PTPRO: variants seen among roughly 807,000 people sequenced by gnomAD.
PTPRO encodes receptor-type tyrosine-protein phosphatase O.
PTPRO carries 62 observed loss-of-function variants against 145.2 expected under a neutral mutation model. The observed-to-expected ratio is 0.43, with a 90% CI of 0.35 to 0.53. The LOEUF is 0.53. PTPRO is among the 20% of genes least tolerant of loss of function. The pLI is 0.01. For missense variants in PTPRO, 1,345 were observed against 1,482.7 expected (o/e 0.91, Z 1.53); for synonymous variants, 565 against 514.7 (o/e 1.10, Z -1.32).
chr12:15,416,609 G>A (rs767384149), intron 1 of PTPRO, among the ~76,000 whole-genome samples: 2 of 151,444 alleles, frequency 1.3e-5, no homozygotes, highest in African/African-American at 4.9e-5. Flanking sequence ...ATGAGCCACC[G>A]CGCCCAGCCG....
chr12:15,516,817 T>C lies in PTPRO; in HGVS notation c.1640T>C (p.Val547Ala). 3 of 1,612,620 alleles carry C rather than the reference T, an allele frequency of 1.9e-6. No homozygotes were observed. The highest frequency in any genetic ancestry group is 2.2e-5 in the South Asian group (2 of 91,062). ...MLYPLGPTAV[V>A]LSWTRPYLGV... ...TATCCTTTGGGTCCTACGGCCGTGG[T>C]TCTGAGCTGGACCAGACCTTATTTA... The change falls in exon 9 of 27, where the codon GTT (valine) becomes GCT (alanine). Residue 547 changes from valine (V) to alanine (A), a missense_variant. Val to Ala is a moderately conservative substitution (Grantham distance 64). Around this residue, in one of 3 missense-constraint regions of PTPRO, gnomAD observed 1,130 missense variants for 1,214.7 expected, o/e 0.93. Coordinates refer to ENST00000281171, the MANE Select transcript of PTPRO (RefSeq NM_030667.3).
chr12:15,407,918 T>A (rs1380452112), intron 1 of PTPRO, among the ~76,000 whole-genome samples: 1 of 152,202 alleles, frequency 6.6e-6, no homozygotes, highest in Non-Finnish European at 1.5e-5. Context: ...AATTAAATGA[T>A]GAGAGAGAAG....
chr12:15,375,154 A>G (rs1156771394), intron 1 of PTPRO, among the ~76,000 whole-genome samples: 6 of 152,176 alleles, frequency 3.9e-5, no homozygotes, highest in South Asian at 4.1e-4. Flanking sequence ...GCCCTAGAAA[A>G]TCTCTAAACA....
At chr12:15,376,582 C>T (rs913048987) in intron 1 of PTPRO, among the ~76,000 whole-genome samples, 3 of 152,044 alleles carry the variant, frequency 2.0e-5, no homozygotes, top group African/African-American at 7.2e-5. Context: ...ATAAAAATAC[C>T]ACAAACTGGG....
At chr12:15,392,748 A>G (rs1404499587) in intron 1 of PTPRO, among the ~76,000 whole-genome samples, 2 of 149,560 alleles carry the variant, frequency 1.3e-5, no homozygotes, top group African/African-American at 2.5e-5. Context: ...AAAAAGAAGA[A>G]AAAAGAAGGG....
chr12:15,342,182 G>A (rs1054577474), intron 1 of PTPRO, among the ~76,000 whole-genome samples: 1 of 152,102 alleles, frequency 6.6e-6, no homozygotes, highest in Non-Finnish European at 1.5e-5. Flanking sequence ...TCTGTCACCT[G>A]AAGTCACAGC....
chr12:15,366,958 G>A (rs903426122), intron 1 of PTPRO, among the ~76,000 whole-genome samples: 1 of 151,910 alleles, frequency 6.6e-6, no homozygotes, highest in African/African-American at 2.4e-5. Flanking sequence ...AAAAATGAAA[G>A]GTCACTCATT....
At chr12:15,510,764 AT>A (rs747500605) in intron 7 of PTPRO, among the ~76,000 whole-genome samples, 1 of 152,184 alleles carries the variant, frequency 6.6e-6, no homozygotes, top group Non-Finnish European at 1.5e-5. Context: ...ATGCCACTAA[AT>A]AAATGTGTAG....
At chr12:15,341,896 C>A (rs1867004138) in intron 1 of PTPRO, among the ~76,000 whole-genome samples, 1 of 152,222 alleles carries the variant, frequency 6.6e-6, no homozygotes, top group African/African-American at 2.4e-5. Flanking sequence ...AAATGACAAT[C>A]ATAATCACCT....
intron 19 of PTPRO, among the ~76,000 whole-genome samples, chr12:15,574,602 C>CA (rs1944137827): frequency 6.6e-6 from 1 of 152,190 alleles, no homozygotes; most frequent in African/African-American, 2.4e-5. Flanking sequence ...CTGTCAACAC[C>CA]ACTGGCACTT....
At chr12:15,581,358 T>C (rs1944313139) in intron 22 of PTPRO, among the ~76,000 whole-genome samples, 1 of 144,432 alleles carries the variant, frequency 6.9e-6, no homozygotes, top group Admixed American at 7.5e-5. Context: ...TGGGGTGCAG[T>C]GGCACGATCT....
At chr12:15,469,768 C>CAAAAAAAA (rs3085503) in intron 1 of PTPRO, among the ~76,000 whole-genome samples, 13 of 110,314 alleles carry the variant, frequency 1.2e-4, no homozygotes, top group Admixed American at 1.9e-4. Flanking sequence ...AGTGTCCTGA[C>CAAAAAAAA]AAAAAAAAAA....
rs1367145619 is a variant in PTPRO, at chr12:15,492,460, C to A, written c.350-4785C>A. On this transcript the variant is annotated intron_variant, in intron 2 of 26. Transcript: ENST00000281171. ...TGCAGTGCTGTGCCTACAGTTCCACCTAATCAGGAGGCTGAGGCAGGAGGA... is the reference window on the plus strand; with the variant it reads ...TGCAGTGCTGTGCCTACAGTTCCACATAATCAGGAGGCTGAGGCAGGAGGA... 1.3e-5 allele frequency among the ~76,000 whole-genome samples: 2 copies of A among 151,998 alleles called. 1 individual carries two copies. The highest frequency in any genetic ancestry group is 4.1e-4 in the South Asian group (2 of 4,822).
At chr12:15,510,131 T>A (rs79305959) in intron 7 of PTPRO, among the ~76,000 whole-genome samples, 7,003 of 152,262 alleles carry the variant, frequency 0.046, 585 homozygotes, top group African/African-American at 0.16. Flanking sequence ...ATTTGGGATG[T>A]TTCCATTCCT....
chr12:15,498,715 T>C (rs1054643854), intron 3 of PTPRO, among the ~76,000 whole-genome samples: 2 of 152,234 alleles, frequency 1.3e-5, no homozygotes, highest in African/African-American at 4.8e-5. Flanking sequence ...GTTATTTGTT[T>C]ATAGATCACA....
At chr12:15,567,013 T>G (rs1943916536) in intron 18 of PTPRO, among the ~76,000 whole-genome samples, 1 of 152,094 alleles carries the variant, frequency 6.6e-6, no homozygotes, top group Non-Finnish European at 1.5e-5. Flanking sequence ...ACTAGAGCAT[T>G]TAGAAGATAG....
chr12:15,560,977 T>C (rs1943758874), intron 17 of PTPRO, among the ~76,000 whole-genome samples: 1 of 152,136 alleles, frequency 6.6e-6, no homozygotes, highest in Non-Finnish European at 1.5e-5. Context: ...ATTTTAATAA[T>C]CAAATCTTGA....
At chr12:15,425,731 A>ATT (rs1940267359) in intron 1 of PTPRO, among the ~76,000 whole-genome samples, 2 of 90,600 alleles carry the variant, frequency 2.2e-5, no homozygotes, top group South Asian at 4.0e-4. Context: ...TGCAAAATAG[A>ATT]TTCATGCATT....
intron 10 of PTPRO, 100 bp downstream of exon 10, chr12:15,520,412 A>G (rs2136514211): frequency 1.4e-5 from 11 of 808,624 alleles, no homozygotes; most frequent in Non-Finnish European, 2.2e-5. Context: ...TTCACCCAGC[A>G]CTGGGTGAGC....
Sources: allele counts gnomAD v4.1 joint callset (sites outside exome capture counted in the v4.1 genomes callset), GRCh38; gene constraint gnomAD v4.1.1; regional missense constraint gnomAD v4.1.1; transcripts MANE v1.5; gene names NCBI Gene and HGNC (gene_info 2026-07-23, HGNC 2026-07-21).